Variants in FAAH2 observed in about 807,000 individuals in gnomAD.
FAAH2 encodes the protein fatty acid amide hydrolase 2.
A neutral mutation model predicts 36.9 loss-of-function variants in FAAH2; 60 were observed. The observed-to-expected ratio is 1.63, with a 90% CI of 1.32 to 2.02. FAAH2 has a LOEUF of 2.02. FAAH2 is among the 30% of genes most tolerant of loss of function. The pLI is 0.00. For synonymous variants in FAAH2, 214 were observed against 143.8 expected, an observed-to-expected ratio of 1.49 and a Z score of -3.49; for missense variants, 689 against 397.5, an observed-to-expected ratio of 1.73 and a Z score of -6.23.
chrX:57,411,100 G>T (rs2055688147), intron 7 of FAAH2, among the ~76,000 whole-genome samples: 1 of 111,717 alleles, frequency 9.0e-6, no homozygotes, highest in Non-Finnish European at 1.9e-5. Flanking sequence ...CTTTACCAGT[G>T]AGCCCAGCCA....
chrX:57,158,012 C>A, the FAAH2 span, among the ~76,000 whole-genome samples: 1 of 110,511 alleles, frequency 9.0e-6, no homozygotes, highest in African/African-American at 3.3e-5. Flanking sequence ...TCCCACCCCA[C>A]AACAGGCCCC....
At chrX:57,258,853 C>T in the FAAH2 span, among the ~76,000 whole-genome samples, 3 of 107,563 alleles carry the variant, frequency 2.8e-5, no homozygotes, top group African/African-American at 1.0e-4. Context: ...GGACTACAGG[C>T]ACCTGCCACC....
At chrX:57,459,157 C>T (rs887897093) in intron 10 of FAAH2, among the ~76,000 whole-genome samples, 3 of 112,211 alleles carry the variant, frequency 2.7e-5, no homozygotes, top group Non-Finnish European at 3.8e-5. Context: ...GGGGCATCCG[C>T]CATTACTGAG....
chrX:57,181,299 A>G, the FAAH2 span, among the ~76,000 whole-genome samples: 123 of 111,935 alleles, frequency 1.1e-3, no homozygotes, highest in African/African-American at 3.8e-3. Flanking sequence ...AAGTGAAAGT[A>G]TTTCTGTTTG....
chrX:57,447,739 G>T (rs1433215987), intron 9 of FAAH2, among the ~76,000 whole-genome samples: 2 of 12,313 alleles, frequency 1.6e-4, no homozygotes, highest in Non-Finnish European at 0.026. Context: ...CCAAGTCCCT[G>T]GGCTCACACA....
At chrX:57,267,866 A>G in the FAAH2 span, among the ~76,000 whole-genome samples, 8 of 112,635 alleles carry the variant, frequency 7.1e-5, no homozygotes, top group East Asian at 2.2e-3. Flanking sequence ...GCAACATCAA[A>G]GATCAAAGGT....
chrX:57,299,839 G>A (rs996593143), intron 2 of FAAH2, among the ~76,000 whole-genome samples: 2 of 111,701 alleles, frequency 1.8e-5, no homozygotes, highest in African/African-American at 3.3e-5. Context: ...CAAATCATAA[G>A]TGAACTCCCA....
intron 7 of FAAH2, among the ~76,000 whole-genome samples, chrX:57,410,566 C>A (rs189556270): frequency 1.9e-4 from 21 of 111,601 alleles, no homozygotes; most frequent in African/African-American, 6.5e-4. Context: ...CTATATAAAG[C>A]AAATTGTAAT....
At chrX:57,152,211 G>A in the FAAH2 span, among the ~76,000 whole-genome samples, 9 of 112,346 alleles carry the variant, frequency 8.0e-5, no homozygotes, top group African/African-American at 2.3e-4. Flanking sequence ...GGCTGCTCGG[G>A]GGTTAGGGTC....
chrX:57,259,092 A>C, the FAAH2 span, among the ~76,000 whole-genome samples: 1 of 111,363 alleles, frequency 9.0e-6, no homozygotes, highest in Non-Finnish European at 1.9e-5. Flanking sequence ...ACAAAAAATC[A>C]AAAGATAAGC....
the FAAH2 span, among the ~76,000 whole-genome samples, chrX:57,167,830 A>C: frequency 9.0e-6 from 1 of 111,597 alleles, no homozygotes; most frequent in Non-Finnish European, 1.9e-5. Flanking sequence ...GCTTTGGCCC[A>C]GTGACACCAA....
At chrX:57,197,952 T>C in the FAAH2 span, among the ~76,000 whole-genome samples, 1 of 112,375 alleles carries the variant, frequency 8.9e-6, no homozygotes, top group Non-Finnish European at 1.9e-5. Context: ...TCTTTGTTTT[T>C]TGAAGCAGTG....
At chrX:57,125,515 A>G in the FAAH2 span, among the ~76,000 whole-genome samples, 2 of 111,652 alleles carry the variant, frequency 1.8e-5, no homozygotes, top group Admixed American at 9.5e-5. Flanking sequence ...CTGAGCATCA[A>G]AGTCTTTCAG....
At chrX:57,413,540 G>A (rs966077943) in intron 7 of FAAH2, among the ~76,000 whole-genome samples, 13 of 111,228 alleles carry the variant, frequency 1.2e-4, no homozygotes, top group Admixed American at 2.9e-4. Context: ...GATGTGTGGC[G>A]TTATTTCTGA....
chrX:57,337,967 T>C (rs2053595438), intron 4 of FAAH2, among the ~76,000 whole-genome samples: 1 of 111,853 alleles, frequency 8.9e-6, no homozygotes, highest in African/African-American at 3.2e-5. Flanking sequence ...TCAAACTACC[T>C]TTGCTTGCAG....
chrX:57,441,191 T>C (rs1395603429), intron 8 of FAAH2, among the ~76,000 whole-genome samples: 2 of 111,841 alleles, frequency 1.8e-5, no homozygotes, highest in African/African-American at 6.5e-5. Flanking sequence ...TACTAGCTCC[T>C]CTTTGTACCT....
chrX:57,155,405 T>G, the FAAH2 span, among the ~76,000 whole-genome samples: 4 of 111,555 alleles, frequency 3.6e-5, no homozygotes, highest in African/African-American at 1.3e-4. Context: ...GGATTATGGC[T>G]GCCTCTGCTT....
intron 5 of FAAH2, among the ~76,000 whole-genome samples, chrX:57,360,484 T>C (rs2054261671): frequency 2.7e-5 from 3 of 110,251 alleles, no homozygotes; most frequent in Admixed American, 2.0e-4. Flanking sequence ...ATTTTGCAAT[T>C]CCATTATTCT....
the FAAH2 span, among the ~76,000 whole-genome samples, chrX:57,179,560 CAAG>C: frequency 8.9e-6 from 1 of 112,138 alleles, no homozygotes; most frequent in African/African-American, 3.2e-5. Context: ...TTCAATTCAA[CAAG>C]AAGACCTATT....
Sources: allele counts gnomAD v4.1 joint callset (sites outside exome capture counted in the v4.1 genomes callset), GRCh38; gene constraint gnomAD v4.1.1; transcripts MANE v1.5; gene names NCBI Gene and HGNC (gene_info 2026-07-23, HGNC 2026-07-21).